EHF: variants seen among roughly 807,000 people sequenced by gnomAD.
EHF encodes ETS homologous factor.
A neutral mutation model predicts 45.1 loss-of-function variants in EHF; 14 were observed. That is an observed-to-expected ratio of 0.31 (90% CI 0.21 to 0.49). The LOEUF (loss-of-function observed/expected upper bound fraction) is 0.49, where lower values mean the gene tolerates loss of function less well. Ranked by LOEUF, EHF falls within the 20% of genes least tolerant of loss-of-function variation. EHF has a pLI of 0.99. For synonymous variants in EHF, 136 were observed against 131.8 expected (o/e 1.03, Z -0.22); for missense variants, 282 against 371.4 (o/e 0.76, Z 1.98).
chr11:34,639,327 G>T (rs1853757034), intron 1 of EHF, among the ~76,000 whole-genome samples: 1 of 152,116 alleles, frequency 6.6e-6, no homozygotes. Context: ...CTAATTAAAA[G>T]GATTGCTTTT....
chr11:34,646,117 G>A (rs1025872190), intron 2 of EHF, among the ~76,000 whole-genome samples: 3 of 151,134 alleles, frequency 2.0e-5, no homozygotes, highest in African/African-American at 7.3e-5. Flanking sequence ...AGAAGAGGAA[G>A]AGAACGATTT....
At chr11:34,657,072 T>A in intron 7 of EHF, 102 bp downstream of exon 7, 1 of 1,337,176 alleles carries the variant, frequency 7.5e-7, no homozygotes, top group South Asian at 1.3e-5. Flanking sequence ...GTCTGCTGCC[T>A]TCATGTCTTC....
intron 1 of EHF, among the ~76,000 whole-genome samples, chr11:34,629,613 A>G (rs1565023281): frequency 6.6e-6 from 1 of 152,238 alleles, no homozygotes; most frequent in Non-Finnish European, 1.5e-5. Context: ...CTAAGTTTTT[A>G]TAGACTGTTC....
At chr11:34,632,532 G>C in intron 1 of EHF, 1 of 1,535,354 alleles carries the variant, frequency 6.5e-7, no homozygotes, top group Non-Finnish European at 8.7e-7. Context: ...AAACTCAGAA[G>C]CATTATCCTC....
chr11:34,640,680 A>G (rs1853909313), intron 1 of EHF, among the ~76,000 whole-genome samples: 1 of 152,226 alleles, frequency 6.6e-6, no homozygotes, highest in Non-Finnish European at 1.5e-5. Flanking sequence ...ATTATGAAAA[A>G]GGAAAGAAGG....
At chr11:34,635,450 C>CTTTTTTTT (rs56121359) in intron 1 of EHF, among the ~76,000 whole-genome samples, 35 of 113,218 alleles carry the variant, frequency 3.1e-4, no homozygotes, top group African/African-American at 4.5e-4. Context: ...AAACCTTATT[C>CTTTTTTTT]TTTTTTTTTT....
intron 1 of EHF, among the ~76,000 whole-genome samples, chr11:34,636,233 T>C (rs112905865): frequency 2.0e-5 from 3 of 152,382 alleles, no homozygotes; most frequent in African/African-American, 7.2e-5. Context: ...CATTTCATTG[T>C]TGTCTTTCGA....
intron 6 of EHF, 42 bp downstream of exon 6, chr11:34,651,847 T>A: frequency 6.4e-7 from 1 of 1,567,420 alleles, no homozygotes. Context: ...GCCTAATGCT[T>A]AGGGAGAATC....
At chr11:34,642,558 G>T in intron 1 of EHF, 70 bp from the exon 2 acceptor site, 1 of 942,004 alleles carries the variant, frequency 1.1e-6, no homozygotes, top group Non-Finnish European at 1.7e-6. Context: ...AATTTACTCT[G>T]TGATCTGCAC....
chr11:34,651,556 A>G lies in EHF; in HGVS notation c.421A>G (p.Asn141Asp), dbSNP rs781614676. The G allele has an allele frequency of 2.0e-5, 32 of 1,613,730 alleles. No homozygotes were observed. The Admixed American group carries it at 5.2e-4, about 26-fold the overall frequency. ...KTEQTEPSIM[N>D]TWKDENYLYD... Reference sequence around the variant, plus strand: ...ATTTTTTGTAGAGCCTTCCATCATGAACACCTGGAAAGACGAGAACTATTT... The same window carrying G: ...ATTTTTTGTAGAGCCTTCCATCATGGACACCTGGAAAGACGAGAACTATTT... The change falls in exon 5 of 9, where the codon AAC (asparagine) becomes GAC (aspartate). Residue 141 changes from asparagine (N) to aspartate (D), a missense_variant. This residue lies in a region of EHF where 213 missense variants were observed against 247.3 expected (regional missense o/e 0.86). Coordinates refer to ENST00000257831, the MANE Select transcript of EHF (RefSeq NM_012153.6).
chr11:34,650,704 G>C (rs1171570584), intron 4 of EHF, among the ~76,000 whole-genome samples: 1 of 152,148 alleles, frequency 6.6e-6, no homozygotes, highest in Non-Finnish European at 1.5e-5. Context: ...TTCTGTTGGA[G>C]ACCAGCCCAG....
intron 2 of EHF, among the ~76,000 whole-genome samples, chr11:34,644,896 G>A (rs866423059): frequency 6.6e-6 from 1 of 152,194 alleles, no homozygotes; most frequent in African/African-American, 2.4e-5. Context: ...GGTGATTCAC[G>A]ATCACGTTTG....
Position 34,658,966 on chromosome 11 carries a change from C to A in EHF, c.*35C>A. The A allele has an allele frequency of 6.7e-7, 1 of 1,494,310 alleles. No homozygotes were observed. The highest frequency in any genetic ancestry group is 9.2e-7 in the Non-Finnish European group (1 of 1,088,662). 92.6% of individuals were successfully genotyped at this position (1,494,310 alleles called of 1,614,324 possible). On this transcript the variant is annotated 3_prime_UTR_variant, in exon 9 of 9. Coordinates refer to ENST00000257831, the MANE Select transcript of EHF (RefSeq NM_012153.6). ...TACTTTGGACACAAACCAAAACACA[C>A]ACCAAATAATCAGAAACAAAGAACT...
intron 6 of EHF, among the ~76,000 whole-genome samples, chr11:34,652,385 G>C (rs16925992): frequency 0.016 from 2,465 of 152,304 alleles, 51 homozygotes; most frequent in African/African-American, 0.057. Context: ...CACTTTAGCT[G>C]CATTTGGTTA....
intron 1 of EHF, among the ~76,000 whole-genome samples, chr11:34,637,386 G>T (rs758349687): frequency 2.0e-5 from 3 of 152,194 alleles, no homozygotes; most frequent in Non-Finnish European, 4.4e-5. Context: ...CAGTCCAAGT[G>T]CTTGGCAACT....
At chr11:34,639,757 C>T (rs1853797361) in intron 1 of EHF, among the ~76,000 whole-genome samples, 1 of 152,234 alleles carries the variant, frequency 6.6e-6, no homozygotes, top group Admixed American at 6.5e-5. Context: ...TAAAAAAGGG[C>T]CCCTCACCAT....
At chr11:34,643,705 C>A (rs1475265194) in intron 2 of EHF, among the ~76,000 whole-genome samples, 1 of 152,208 alleles carries the variant, frequency 6.6e-6, no homozygotes, top group South Asian at 2.1e-4. Flanking sequence ...CACCTGTCCC[C>A]CCAAACTGCT....
chr11:34,637,331 A>G (rs1853533746), intron 1 of EHF, among the ~76,000 whole-genome samples: 1 of 152,192 alleles, frequency 6.6e-6, no homozygotes, highest in Admixed American at 6.5e-5. Flanking sequence ...CTGGAGAAGC[A>G]GGCGCATGGG....
At chr11:34,650,319 C>T (rs965088054) in intron 4 of EHF, among the ~76,000 whole-genome samples, 2 of 152,166 alleles carry the variant, frequency 1.3e-5, no homozygotes, top group Non-Finnish European at 1.5e-5. Flanking sequence ...GGGGCCAACA[C>T]CCCCATACCT....
Sources: allele counts gnomAD v4.1 joint callset (sites outside exome capture counted in the v4.1 genomes callset), GRCh38; gene constraint gnomAD v4.1.1; regional missense constraint gnomAD v4.1.1; transcripts MANE v1.5; gene names NCBI Gene and HGNC (gene_info 2026-07-23, HGNC 2026-07-21).